Variants in FAF1 observed in about 807,000 individuals in gnomAD.
FAF1 encodes Fas associated factor 1.
FAF1 carries 25 observed loss-of-function variants against 92.5 expected under a neutral mutation model. The ratio of observed to expected loss-of-function variants is 0.27; its 90% confidence interval spans 0.20 to 0.38. The LOEUF (loss-of-function observed/expected upper bound fraction) is 0.38, where lower values mean the gene tolerates loss of function less well. FAF1 is among the 10% of genes least tolerant of loss of function. The pLI is 1.00. For synonymous variants in FAF1, 234 were observed against 273.2 expected, an observed-to-expected ratio of 0.86 and a Z score of 1.42; for missense variants, 636 against 793.3, an observed-to-expected ratio of 0.80 and a Z score of 2.38.
intron 18 of FAF1, among the ~76,000 whole-genome samples, chr1:50,451,450 A>G (rs892403345): frequency 1.3e-5 from 2 of 152,236 alleles, no homozygotes; most frequent in African/African-American, 4.8e-5. Context: ...GCGAGATTAT[A>G]TAATCTGCCT....
chr1:50,694,806 A>AC (rs1345474609), intron 7 of FAF1, among the ~76,000 whole-genome samples: 1 of 150,464 alleles, frequency 6.6e-6, no homozygotes, highest in African/African-American at 2.4e-5. Flanking sequence ...AAAAAAAAAA[A>AC]AAAAAAATTG....
intron 6 of FAF1, among the ~76,000 whole-genome samples, chr1:50,716,746 A>G (rs1005759947): frequency 6.6e-6 from 1 of 152,204 alleles, no homozygotes; most frequent in Non-Finnish European, 1.5e-5. Context: ...GCGTAGCTAA[A>G]GGACTGTAAA....
At chr1:50,867,402 C>T (rs969094728) in intron 1 of FAF1, among the ~76,000 whole-genome samples, 2 of 152,026 alleles carry the variant, frequency 1.3e-5, no homozygotes, top group Non-Finnish European at 2.9e-5. Context: ...ACTGACAACC[C>T]ACAGAGTGGG....
intron 15 of FAF1, among the ~76,000 whole-genome samples, chr1:50,511,814 C>T (rs376893269): frequency 6.6e-5 from 10 of 152,142 alleles, no homozygotes; most frequent in South Asian, 2.1e-4. Flanking sequence ...CTTGAGGAAT[C>T]GCCACACTGT....
In FAF1 at chr1:50,844,281, G is replaced by A. The variant is rs74080097; in HGVS notation, c.114+13648C>T. On this transcript the variant is annotated intron_variant, in intron 2 of 18. Coordinates refer to ENST00000396153, the MANE Select transcript of FAF1 (RefSeq NM_007051.3). ...CTTATATAGCCTGGTTTTTAATCCC[G>A]TCAGGTGAATAGTTTGCAGATATTT... is the stretch of plus-strand genomic sequence containing the variant. Among the ~76,000 whole-genome samples, 1,201 of 152,126 alleles carry A rather than the reference G, an allele frequency of 7.9e-3. 13 individuals carry two copies. The highest frequency in any genetic ancestry group is 0.028 in the African/African-American group (1,145 of 41,474).
rs186215597 is a variant in FAF1 at position 50,691,537 on chromosome 1, C to T, written c.657+14249G>A. On this transcript the variant is annotated intron_variant, in intron 7 of 18. Transcript: ENST00000396153. ...GATTACCGGCATGAACCACTGCATA[C>T]AGCCTACCTTTTAAAATTCTAGCCA... Among the ~76,000 whole-genome samples, 9 of 152,180 alleles carry T rather than the reference C, an allele frequency of 5.9e-5. No individual in the cohort carries two copies. The East Asian group carries it at 1.7e-3, about 29-fold the overall frequency.
chr1:50,827,486 C>T (rs1316789597), intron 2 of FAF1, among the ~76,000 whole-genome samples: 1 of 152,176 alleles, frequency 6.6e-6, no homozygotes, highest in Admixed American at 6.5e-5. Flanking sequence ...GGGTCACAAA[C>T]ACTGCGGAAG....
At chr1:50,948,103 G>A (rs942449785) in intron 1 of FAF1, among the ~76,000 whole-genome samples, 1 of 152,160 alleles carries the variant, frequency 6.6e-6, no homozygotes, top group Non-Finnish European at 1.5e-5. Flanking sequence ...CCCTAACTGG[G>A]TACAAGGTAT....
intron 3 of FAF1, among the ~76,000 whole-genome samples, chr1:50,788,641 T>G (rs193172958): frequency 1.3e-5 from 2 of 152,158 alleles, no homozygotes; most frequent in African/African-American, 4.8e-5. Context: ...CAATTCTCCC[T>G]ATCTCACATC....
chr1:50,863,314 TAAC>T (rs887780725), intron 1 of FAF1, among the ~76,000 whole-genome samples: 4 of 151,778 alleles, frequency 2.6e-5, no homozygotes, highest in African/African-American at 9.7e-5. Flanking sequence ...TATTTGAACT[TAAC>T]AATAATAATG....
At chr1:50,579,393 T>C (rs1650892828) in intron 12 of FAF1, among the ~76,000 whole-genome samples, 1 of 152,184 alleles carries the variant, frequency 6.6e-6, no homozygotes, top group Admixed American at 6.5e-5. Flanking sequence ...TGTGACATTT[T>C]CTGGTTACTT....
intron 8 of FAF1, among the ~76,000 whole-genome samples, chr1:50,640,398 T>C (rs2124242658): frequency 6.6e-6 from 1 of 151,592 alleles, no homozygotes; most frequent in South Asian, 2.1e-4. Context: ...GTTCACGCCA[T>C]TCTCCTGCCC....
At chr1:50,522,665 A>G (rs1647564618) in intron 15 of FAF1, among the ~76,000 whole-genome samples, 1 of 152,204 alleles carries the variant, frequency 6.6e-6, no homozygotes, top group Non-Finnish European at 1.5e-5. Context: ...GAGCCCAAGA[A>G]TCAATAACTT....
chr1:50,531,956 A>C (rs999421207), intron 15 of FAF1, among the ~76,000 whole-genome samples: 1 of 152,154 alleles, frequency 6.6e-6, no homozygotes, highest in Non-Finnish European at 1.5e-5. Flanking sequence ...AAACCTGTTC[A>C]CTGATTTAAT....
At chr1:50,901,869 A>T (rs1570118424) in intron 1 of FAF1, among the ~76,000 whole-genome samples, 1 of 152,218 alleles carries the variant, frequency 6.6e-6, no homozygotes, top group Middle Eastern at 3.4e-3. Context: ...TGTCTCAAAA[A>T]CAACAACAAC....
intron 13 of FAF1, among the ~76,000 whole-genome samples, chr1:50,553,855 T>C (rs1169945122): frequency 6.6e-6 from 1 of 151,872 alleles, no homozygotes; most frequent in East Asian, 1.9e-4. Flanking sequence ...AAGCTCTCTA[T>C]AGAAGAAGCA....
intron 2 of FAF1, chr1:50,846,697 C>T (rs1644304404): frequency 1.7e-6 from 1 of 589,444 alleles, no homozygotes; most frequent in Non-Finnish European, 3.3e-6. Context: ...CTGTTGAAAG[C>T]ATGATGGAGC....
intron 6 of FAF1, among the ~76,000 whole-genome samples, chr1:50,732,511 T>A (rs1254079138): frequency 6.6e-6 from 1 of 152,230 alleles, no homozygotes; most frequent in African/African-American, 2.4e-5. Flanking sequence ...TGTCTTTCAA[T>A]GCTATTTGCC....
chr1:50,779,366 T>C (rs576584967), intron 4 of FAF1, among the ~76,000 whole-genome samples: 28 of 152,336 alleles, frequency 1.8e-4, no homozygotes, highest in Admixed American at 1.0e-3. Flanking sequence ...TGGTTTTCAA[T>C]GTACTTTGCC....
Sources: gnomAD v4.1 joint callset for allele counts (sites outside exome capture counted in the v4.1 genomes callset) on GRCh38, gnomAD v4.1.1 for gene constraint, MANE v1.5 for transcripts, NCBI Gene and HGNC (gene_info 2026-07-23, HGNC 2026-07-21) for gene names.